The following CCDC171 variants were observed in gnomAD, a reference collection of about 807,000 sequenced individuals.
CCDC171 encodes the protein coiled-coil domain-containing protein 171.
Under a neutral mutation model 168.2 loss-of-function variants are expected in CCDC171, and 177 were observed. That is an observed-to-expected ratio of 1.05 (90% CI 0.93 to 1.19). CCDC171 has a LOEUF of 1.19. Among genes scored for constraint, CCDC171 ranks in the 50% most tolerant of loss-of-function variants. The probability of loss-of-function intolerance (pLI) is 0.00; values close to 1 mark genes in which losing one functional copy is unlikely to be tolerated. For synonymous variants in CCDC171, 687 were observed against 540.8 expected (o/e 1.27, Z -3.75); for missense variants, 1,991 against 1,539.0 (o/e 1.29, Z -4.91).
chr9:15,648,691 G>A (rs149680110), intron 7 of CCDC171, among the ~76,000 whole-genome samples: 1 of 152,148 alleles, frequency 6.6e-6, no homozygotes, highest in African/African-American at 2.4e-5. Flanking sequence ...AACTTACAAG[G>A]GATGTGAAAG....
intron 7 of CCDC171, among the ~76,000 whole-genome samples, chr9:15,653,247 C>T (rs767952375): frequency 7.2e-5 from 11 of 151,914 alleles, no homozygotes; most frequent in Non-Finnish European, 1.3e-4. Flanking sequence ...TCAAGTGATC[C>T]TCCCACCTCA....
At position 15,727,914 on chromosome 9, in the gene CCDC171, G is replaced by C. The variant is rs752312512; in HGVS notation, c.1738G>C (p.Gly580Arg). The C allele has an allele frequency of 6.2e-7, 1 of 1,613,136 alleles. No homozygotes were observed. The highest frequency in any genetic ancestry group is 8.5e-7 in the Non-Finnish European group (1 of 1,179,526). The change falls in exon 15 of 26, where the codon GGC (glycine) becomes CGC (arginine). Residue 580 changes from glycine (G) to arginine (R), a missense_variant. By Grantham distance (125) the Gly-to-Arg change is moderately radical (BLOSUM62 -2). Coordinates refer to ENST00000380701, the MANE Select transcript of CCDC171 (RefSeq NM_173550.4). ...CACCTTATATCAGCACTTGGTAGCA[G>C]GCTGTGTGCTCATAAAACAACCAGA... ...LHTLYQHLVA[G>R]CVLIKQPEGM...
chr9:15,986,301 CTG>C (rs1355525468), intron 3 of CCDC171, among the ~76,000 whole-genome samples: 1 of 152,204 alleles, frequency 6.6e-6, no homozygotes, highest in Non-Finnish European at 1.5e-5. Context: ...TAACTAGTGT[CTG>C]TGAGTTCCTG....
chr9:15,858,056 T>G (rs1229252590), intron 23 of CCDC171, among the ~76,000 whole-genome samples: 1 of 151,916 alleles, frequency 6.6e-6, no homozygotes, highest in African/African-American at 2.4e-5. Context: ...CTTACTCTTT[T>G]GCCCAGGCTG....
chr9:15,810,952 C>T (rs1588644923), intron 21 of CCDC171, among the ~76,000 whole-genome samples: 1 of 152,272 alleles, frequency 6.6e-6, no homozygotes, highest in African/African-American at 2.4e-5. Flanking sequence ...ACATTGTCAT[C>T]TCTCAACACT....
chr9:15,832,706 A>T (rs1354037606), intron 21 of CCDC171, among the ~76,000 whole-genome samples: 1 of 152,180 alleles, frequency 6.6e-6, no homozygotes, highest in Non-Finnish European at 1.5e-5. Context: ...GACGTAGGAC[A>T]TTACTGTATA....
intron 11 of CCDC171, among the ~76,000 whole-genome samples, chr9:15,717,008 C>T (rs995772554): frequency 6.6e-6 from 1 of 152,132 alleles, no homozygotes; most frequent in African/African-American, 2.4e-5. Flanking sequence ...GCAAAAAAAA[C>T]CACCTTCATA....
rs958298284 is a variant in CCDC171 at position 15,788,588 on chromosome 9, G to T, written c.3267+3894G>T. On this transcript the variant is annotated intron_variant, in intron 21 of 25. Coordinates refer to ENST00000380701, the MANE Select transcript of CCDC171 (RefSeq NM_173550.4). Reference sequence around the variant, plus strand: ...ATTTTGTTTTAAATCATATGTTTTTGTTTTTTTTTTTTTAAAGACAGGGCC... The same window carrying T: ...ATTTTGTTTTAAATCATATGTTTTTTTTTTTTTTTTTTTAAAGACAGGGCC... 1.0e-3 allele frequency among the ~76,000 whole-genome samples: 147 copies of T among 140,454 alleles called. 3 individuals are homozygous for T. The South Asian group carries it at 0.011, about 10-fold the overall frequency. 92.1% of individuals were successfully genotyped at this position (140,454 alleles called of 152,430 possible). A position where few individuals can be genotyped will look rare whatever the true frequency, so the allele number is the denominator to read the frequency against.
chr9:15,847,712 A>T (rs75290507), intron 22 of CCDC171, among the ~76,000 whole-genome samples: 2,780 of 152,220 alleles, frequency 0.018, 100 homozygotes, highest in African/African-American at 0.063. Context: ...AAACTCTTAA[A>T]CATAAAATAT....
At chr9:15,611,131 C>T (rs981324012) in intron 6 of CCDC171, among the ~76,000 whole-genome samples, 2 of 152,128 alleles carry the variant, frequency 1.3e-5, no homozygotes, top group African/African-American at 4.8e-5. Context: ...CTTCCTCCTG[C>T]TCCTGATCTG....
intron 24 of CCDC171, among the ~76,000 whole-genome samples, chr9:15,914,777 G>C (rs183374847): frequency 6.6e-6 from 1 of 152,224 alleles, no homozygotes; most frequent in African/African-American, 2.4e-5. Context: ...CCCTTGTGAT[G>C]TAGGTACCCA....
intron 24 of CCDC171, among the ~76,000 whole-genome samples, chr9:15,884,553 G>A (rs772060579): frequency 1.7e-4 from 26 of 152,136 alleles, no homozygotes; most frequent in Non-Finnish European, 2.9e-4. Context: ...ATAGTATTTG[G>A]AAAAGTTGAA....
intron 24 of CCDC171, among the ~76,000 whole-genome samples, chr9:15,889,740 A>T (rs1819939510): frequency 6.6e-6 from 1 of 152,162 alleles, no homozygotes; most frequent in Non-Finnish European, 1.5e-5. Context: ...TAACTTACTT[A>T]TCTTTTCTTA....
chr9:15,962,913 A>G (rs1351076447), intron 25 of CCDC171, among the ~76,000 whole-genome samples: 5 of 151,442 alleles, frequency 3.3e-5, no homozygotes, highest in Non-Finnish European at 5.9e-5. Context: ...ATGTATATAT[A>G]TATACACATA....
chr9:15,996,417 CTTTTTTTTTTTTT>C (rs34798326), intron 3 of CCDC171, among the ~76,000 whole-genome samples: 3 of 64,598 alleles, frequency 4.6e-5, no homozygotes, highest in South Asian at 1.5e-3. Flanking sequence ...CTAGGAGGCT[CTTTTTTTTTTTTT>C]TTTTTTTTTT....
At chr9:15,858,616 A>G (rs1444401130) in intron 23 of CCDC171, among the ~76,000 whole-genome samples, 1 of 152,022 alleles carries the variant, frequency 6.6e-6, no homozygotes, top group Admixed American at 6.6e-5. Flanking sequence ...TTTTTAGTGT[A>G]CAAGTCTTTC....
chr9:15,839,834 A>G (rs1244121657), intron 21 of CCDC171, among the ~76,000 whole-genome samples: 1 of 152,218 alleles, frequency 6.6e-6, no homozygotes, highest in East Asian at 1.9e-4. Flanking sequence ...AAATTAATAT[A>G]GAAATCAGTA....
intron 21 of CCDC171, among the ~76,000 whole-genome samples, chr9:15,796,226 G>A (rs968842079): frequency 2.0e-5 from 3 of 151,928 alleles, no homozygotes; most frequent in African/African-American, 7.3e-5. Flanking sequence ...AGTGAACATT[G>A]GGTAGACATT....
intron 24 of CCDC171, among the ~76,000 whole-genome samples, chr9:15,905,814 GAC>G (rs1319548504): frequency 2.0e-5 from 3 of 152,060 alleles, no homozygotes. Context: ...GAATCAAACA[GAC>G]ACAATAAAAA....
Sources: gnomAD v4.1 joint callset for allele counts (sites outside exome capture counted in the v4.1 genomes callset) on GRCh38, gnomAD v4.1.1 for gene constraint, MANE v1.5 for transcripts, NCBI Gene and HGNC (gene_info 2026-07-23, HGNC 2026-07-21) for gene names.